CAB39: variants seen among roughly 807,000 people sequenced by gnomAD.
CAB39 encodes calcium-binding protein 39.
Under a neutral mutation model 40.0 loss-of-function variants are expected in CAB39, and 8 were observed. The ratio of observed to expected loss-of-function variants is 0.20; its 90% CI spans 0.12 to 0.36. The LOEUF (loss-of-function observed/expected upper bound fraction) is 0.36. Ranked by LOEUF, CAB39 falls within the 10% of genes least tolerant of loss-of-function variation. The probability of loss-of-function intolerance (pLI) is 1.00; values close to 1 mark genes in which losing one functional copy is unlikely to be tolerated. For synonymous variants in CAB39, 156 were observed against 141.6 expected, an observed-to-expected ratio of 1.10 and a Z score of -0.72; for missense variants, 270 against 401.1, an observed-to-expected ratio of 0.67 and a Z score of 2.79.
At chr2:230,809,548 T>G (rs1023594756) in intron 5 of CAB39, among the ~76,000 whole-genome samples, 1 of 152,204 alleles carries the variant, frequency 6.6e-6, no homozygotes, top group African/African-American at 2.4e-5. Context: ...GCAGGGATCA[T>G]ATCTTTTTGT....
intron 1 of CAB39, chr2:230,752,012 A>T: frequency 7.4e-6 from 1 of 134,640 alleles, no homozygotes; most frequent in Non-Finnish European, 1.6e-5. Flanking sequence ...AGATGGAAAG[A>T]GTTTCATATT....
At chr2:230,756,697 ATTTAT>A (rs1695198641) in intron 1 of CAB39, among the ~76,000 whole-genome samples, 1 of 138,000 alleles carries the variant, frequency 7.2e-6, no homozygotes, top group Non-Finnish European at 1.5e-5. Context: ...TTATTTATTT[ATTTAT>A]TTATTTTTGA....
chr2:230,750,762 A>C (rs559168678), intron 1 of CAB39, among the ~76,000 whole-genome samples: 1 of 152,348 alleles, frequency 6.6e-6, no homozygotes, highest in Admixed American at 6.5e-5. Flanking sequence ...ATTGCTATCC[A>C]GTTTATATAA....
chr2:230,810,730 C>T (rs1435974069), intron 6 of CAB39, among the ~76,000 whole-genome samples: 2 of 152,192 alleles, frequency 1.3e-5, no homozygotes, highest in Middle Eastern at 3.2e-3. Flanking sequence ...GACGGGAGCC[C>T]GGCTCTGCTC....
chr2:230,800,460 G>C (rs1696069736), intron 5 of CAB39, among the ~76,000 whole-genome samples: 1 of 152,242 alleles, frequency 6.6e-6, no homozygotes, highest in East Asian at 1.9e-4. Context: ...ATGAATTTGA[G>C]ATTATAACAT....
intron 4 of CAB39, among the ~76,000 whole-genome samples, chr2:230,795,277 A>AC (rs11411408): frequency 3.6e-5 from 1 of 28,092 alleles, no homozygotes; most frequent in African/African-American, 1.2e-3. Flanking sequence ...CTTGATTTCC[A>AC]AAAAAAAAAA....
intron 1 of CAB39, chr2:230,752,114 A>G (rs1695099586): frequency 6.8e-6 from 1 of 147,118 alleles, no homozygotes; most frequent in Non-Finnish European, 1.5e-5. Context: ...TTTAAAAAGC[A>G]ATGCCTTTTT....
At chr2:230,771,277 G>T (rs879299101) in intron 2 of CAB39, among the ~76,000 whole-genome samples, 26 of 151,806 alleles carry the variant, frequency 1.7e-4, no homozygotes, top group Non-Finnish European at 3.4e-4. Context: ...AAAATACCTT[G>T]TATTCAAGAG....
chr2:230,783,148 G>A (rs974004143), intron 2 of CAB39, among the ~76,000 whole-genome samples: 2 of 151,990 alleles, frequency 1.3e-5, no homozygotes, highest in African/African-American at 4.8e-5. Flanking sequence ...TTCTTTAGTG[G>A]AGCACCAGAT....
At chr2:230,760,731 A>T (rs921460071) in intron 2 of CAB39, among the ~76,000 whole-genome samples, 1 of 152,196 alleles carries the variant, frequency 6.6e-6, no homozygotes, top group Non-Finnish European at 1.5e-5. Context: ...CAGTCACCAC[A>T]GTCCAAAACC....
chr2:230,785,024 A>G (rs1695764301), intron 2 of CAB39, among the ~76,000 whole-genome samples: 1 of 152,234 alleles, frequency 6.6e-6, no homozygotes, highest in Admixed American at 6.5e-5. Flanking sequence ...TTAAGGAAGC[A>G]TCTCCAAATA....
chr2:230,808,048 CT>C (rs1232336679), intron 5 of CAB39, among the ~76,000 whole-genome samples: 1 of 135,870 alleles, frequency 7.4e-6, no homozygotes, highest in Non-Finnish European at 1.5e-5. Flanking sequence ...GTGCCAGGCA[CT>C]TTTTTTCTTT....
chr2:230,766,719 G>A (rs529615842), intron 2 of CAB39, among the ~76,000 whole-genome samples: 21 of 152,270 alleles, frequency 1.4e-4, no homozygotes, highest in East Asian at 3.9e-4. Flanking sequence ...TGTAGAGACC[G>A]AGTCTCACAA....
intron 2 of CAB39, among the ~76,000 whole-genome samples, chr2:230,773,314 A>ATGTGTGTGTGTG (rs71052549): frequency 0.02 from 2,605 of 132,638 alleles, 50 homozygotes; most frequent in African/African-American, 0.029. Context: ...ATATATATAT[A>ATGTGTGTGTGTG]TGTGTGTGTG....
At chr2:230,752,614 T>G (rs984543214) in intron 1 of CAB39, among the ~76,000 whole-genome samples, 1 of 152,178 alleles carries the variant, frequency 6.6e-6, no homozygotes, top group Non-Finnish European at 1.5e-5. Flanking sequence ...TCCCAACACT[T>G]GCATTGGGAA....
intron 1 of CAB39, among the ~76,000 whole-genome samples, chr2:230,730,465 A>AC (rs1224216910): frequency 6.9e-6 from 1 of 145,142 alleles, no homozygotes; most frequent in Non-Finnish European, 1.5e-5. Flanking sequence ...TTTTTTTGAG[A>AC]CCAAGTCTCG....
rs959871938 is a variant in CAB39, at chr2:230,771,503, ATGT to A, written c.114+11393_114+11395del. Among the ~76,000 whole-genome samples the A allele has an allele frequency of 2.0e-5, 3 of 152,312 alleles. No individual in the cohort carries two copies. In the South Asian group the frequency reaches 6.2e-4, roughly 32 times the overall value. ...ATTAGCCCAAATAAGCAGGAGATAC[ATGT>A]TGTTCATGGGTTGGGAAACTCAATA... On this transcript the variant is annotated intron_variant, in intron 2 of 8. Transcript: ENST00000258418.
intron 5 of CAB39, among the ~76,000 whole-genome samples, chr2:230,802,991 A>G (rs982698447): frequency 3.3e-5 from 5 of 152,226 alleles, no homozygotes; most frequent in Non-Finnish European, 4.4e-5. Context: ...ATGAACATCA[A>G]TGCGAAAATC....
At chr2:230,760,202 G>C in intron 2 of CAB39, 87 bp downstream of exon 2, 1 of 735,106 alleles carries the variant, frequency 1.4e-6, no homozygotes, top group South Asian at 2.0e-5. Context: ...GTCCCAATTT[G>C]GGTTTATTTT....
Sources: allele counts gnomAD v4.1 joint callset (sites outside exome capture counted in the v4.1 genomes callset), GRCh38; gene constraint gnomAD v4.1.1; transcripts MANE v1.5; gene names NCBI Gene and HGNC (gene_info 2026-07-23, HGNC 2026-07-21).